Variants in KCNK9 observed in about 807,000 individuals in gnomAD.
KCNK9 encodes the protein potassium two pore domain channel subfamily K member 9, also known as potassium channel subfamily K member 9.
A neutral mutation model predicts 10.8 loss-of-function variants in KCNK9; 1 was observed. That is an observed-to-expected ratio of 0.09 (90% CI 0.03 to 0.44). The LOEUF (loss-of-function observed/expected upper bound fraction) is 0.44, where lower values mean the gene tolerates loss of function less well. KCNK9 is among the 20% of genes least tolerant of loss of function. The pLI is 0.97. For synonymous variants in KCNK9, 231 were observed against 222.7 expected (o/e 1.04, Z -0.33); for missense variants, 303 against 515.0 (o/e 0.59, Z 3.98).
At chr8:139,685,326 G>A (rs548939868) in intron 1 of KCNK9, among the ~76,000 whole-genome samples, 34 of 151,538 alleles carry the variant, frequency 2.2e-4, no homozygotes, top group South Asian at 1.7e-3. Context: ...GTACATGTGC[G>A]CAACGTGCAG....
At chr8:139,664,702 C>T (rs1017068557) in intron 1 of KCNK9, among the ~76,000 whole-genome samples, 3 of 152,180 alleles carry the variant, frequency 2.0e-5, no homozygotes, top group Admixed American at 1.3e-4. Context: ...GGCTGGGAGC[C>T]GTAAGGCGTG....
chr8:139,670,635 C>T (rs1051125389), intron 1 of KCNK9, among the ~76,000 whole-genome samples: 2 of 152,102 alleles, frequency 1.3e-5, no homozygotes. Context: ...ATCCATTCTC[C>T]CCCAGGTACC....
chr8:139,635,997 T>C (rs1012240575), intron 1 of KCNK9, among the ~76,000 whole-genome samples: 1 of 152,200 alleles, frequency 6.6e-6, no homozygotes, highest in African/African-American at 2.4e-5. Context: ...ACAGGCTAAA[T>C]AGGGAATCCG....
chr8:139,619,817 T>C (rs1175820131), intron 1 of KCNK9, among the ~76,000 whole-genome samples: 1 of 152,220 alleles, frequency 6.6e-6, no homozygotes, highest in Non-Finnish European at 1.5e-5. Context: ...ATGCCACAAA[T>C]GCATACTTTT....
intron 1 of KCNK9, among the ~76,000 whole-genome samples, chr8:139,645,818 C>T (rs899603738): frequency 7.9e-5 from 12 of 152,228 alleles, no homozygotes; most frequent in African/African-American, 2.9e-4. Flanking sequence ...CCTCCTCCTG[C>T]CTGCTCTCTG....
At position 139,702,322 on chromosome 8, in the gene KCNK9, T is replaced by TA. The variant is rs1265523791; in HGVS notation, c.283+387dup. On this transcript the variant is annotated intron_variant, in intron 1 of 1. Coordinates refer to ENST00000520439, the MANE Select transcript of KCNK9 (RefSeq NM_001282534.2). The surrounding 1 kb of genome is among the most constrained non-coding windows in gnomAD (Gnocchi z 7.5). Reference sequence around the variant, plus strand: ...CCCTCTCCAACTCCCAGAGAGGTAGTAAGTGTAAGGCTCAGAGCCCCGCGC... The same window carrying TA: ...CCCTCTCCAACTCCCAGAGAGGTAGTAAAGTGTAAGGCTCAGAGCCCCGCGC... Among the ~76,000 whole-genome samples the TA allele has an allele frequency of 6.6e-6, 1 of 152,130 alleles. No individual in the cohort carries two copies. Among genetic ancestry groups the TA allele is most frequent in the East Asian group, 1.9e-4 (1 of 5,170 alleles).
chr8:139,702,679 G>T lies in KCNK9; in HGVS notation c.283+31C>A. ...CGCCTCCCCGGACTCCTCCCGGGGC[G>T]CGGGAGCCCAGCGGCGCGCCCAGCC... is the stretch of plus-strand genomic sequence containing the variant. On this transcript the variant is annotated intron_variant, in intron 1 of 1. Coordinates refer to ENST00000520439, the MANE Select transcript of KCNK9 (RefSeq NM_001282534.2). The surrounding 1 kb of genome is among the most constrained non-coding windows in gnomAD (Gnocchi z 7.5). 2 of 1,585,130 alleles carry T rather than the reference G, an allele frequency of 1.3e-6. No individual in the cohort carries two copies. The highest frequency in any genetic ancestry group is 1.7e-6 in the Non-Finnish European group (2 of 1,170,530).
chr8:139,697,868 G>A (rs1031465105), intron 1 of KCNK9, among the ~76,000 whole-genome samples: 1 of 152,154 alleles, frequency 6.6e-6, no homozygotes, highest in African/African-American at 2.4e-5. Flanking sequence ...CCAGAGCAGA[G>A]CGAGCCCAGG....
chr8:139,649,113 C>T (rs1815777854), intron 1 of KCNK9, among the ~76,000 whole-genome samples: 1 of 152,194 alleles, frequency 6.6e-6, no homozygotes, highest in Non-Finnish European at 1.5e-5. Flanking sequence ...CCCTCCCACA[C>T]CTTTTATTCC....
At chr8:139,614,034 T>C (rs2130092872), downstream of KCNK9, among the ~76,000 whole-genome samples, 1 of 152,278 alleles carries the variant, frequency 6.6e-6, no homozygotes, top group South Asian at 2.1e-4. Context: ...GCCTCAGTGA[T>C]GGTGGTTTTT....
intron 1 of KCNK9, among the ~76,000 whole-genome samples, chr8:139,667,413 C>T (rs1183138376): frequency 2.0e-5 from 3 of 152,132 alleles, no homozygotes; most frequent in African/African-American, 7.2e-5. Context: ...AAACGGTCCC[C>T]ACAGCCGGGC....
intron 1 of KCNK9, among the ~76,000 whole-genome samples, chr8:139,675,580 C>T (rs909280527): frequency 2.0e-5 from 3 of 152,306 alleles, no homozygotes; most frequent in African/African-American, 4.8e-5. Context: ...CAAGCTGCCA[C>T]CCTGATCTCA....
intron 1 of KCNK9, among the ~76,000 whole-genome samples, chr8:139,641,083 C>T (rs538595722): frequency 1.4e-4 from 21 of 152,374 alleles, no homozygotes; most frequent in Admixed American, 8.5e-4. Flanking sequence ...CGGTCTGGCA[C>T]GAGGAGGTGA....
At chr8:139,669,202 G>A (rs1473708854) in intron 1 of KCNK9, among the ~76,000 whole-genome samples, 2 of 152,130 alleles carry the variant, frequency 1.3e-5, no homozygotes, top group Non-Finnish European at 2.9e-5. Context: ...CATGTGAATG[G>A]CTGCTGATTG....
chr8:139,629,503 G>A (rs142549142), intron 1 of KCNK9, among the ~76,000 whole-genome samples: 13 of 152,342 alleles, frequency 8.5e-5, no homozygotes, highest in African/African-American at 2.6e-4. Context: ...TGTGTACAAC[G>A]GAATGTGTTC....
In KCNK9 at chr8:139,620,034, A is replaced by C. The variant is rs148181928; in HGVS notation, c.284-935T>G. On this transcript the variant is annotated intron_variant, in intron 1 of 1. Transcript: ENST00000520439. ...GTTGCTGCAGGGAATCCAAGTCAAGACTGTATTTCCTCACATTCGAAATGA... is the reference window on the plus strand; with the variant it reads ...GTTGCTGCAGGGAATCCAAGTCAAGCCTGTATTTCCTCACATTCGAAATGA... Among the ~76,000 whole-genome samples the C allele has an allele frequency of 1.7e-3, 258 of 152,324 alleles. 3 individuals are homozygous for C. The highest frequency in any genetic ancestry group is 5.9e-3 in the African/African-American group (245 of 41,566).
rs73358013 is a variant in KCNK9, at chr8:139,622,537, C to T, written c.284-3438G>A. Among the ~76,000 whole-genome samples the T allele has an allele frequency of 6.1e-3, 930 of 152,316 alleles. 8 individuals carry two copies. Among genetic ancestry groups the T allele is most frequent in the African/African-American group, 0.021 (892 of 41,576 alleles). On this transcript the variant is annotated intron_variant, in intron 1 of 1. Transcript: ENST00000520439. ...TGTCAGCGGGCTTACAGCAGCTACT[C>T]TCTACAAGTTCCAGGAACTGCACCC...
intron 1 of KCNK9, among the ~76,000 whole-genome samples, chr8:139,623,319 CA>C (rs1227958253): frequency 1.3e-5 from 2 of 152,172 alleles, no homozygotes. Context: ...GCCCAGGGGT[CA>C]GAAGATATAT....
At chr8:139,627,932 G>A (rs1050374219) in intron 1 of KCNK9, among the ~76,000 whole-genome samples, 2 of 152,258 alleles carry the variant, frequency 1.3e-5, no homozygotes, top group Admixed American at 6.5e-5. Context: ...GCCCCAGGAC[G>A]GTGGGCCAGG....
Sources: gnomAD v4.1 joint callset for allele counts (sites outside exome capture counted in the v4.1 genomes callset) on GRCh38, gnomAD v4.1.1 for gene constraint, Gnocchi (gnomAD v3.1) non-coding constraint, MANE v1.5 for transcripts, NCBI Gene and HGNC (gene_info 2026-07-23, HGNC 2026-07-21) for gene names.